The following CMTR1 variants were observed in gnomAD, a reference collection of about 807,000 sequenced individuals.
The protein encoded by CMTR1 is cap-specific mRNA (nucleoside-2'-O-)-methyltransferase 1.
In CMTR1, 39 loss-of-function variants were observed where a neutral mutation model predicts 107.0. The observed-to-expected ratio is 0.36, with a 90% confidence interval of 0.28 to 0.48. The LOEUF is 0.48. Ranked by LOEUF, CMTR1 falls within the 20% of genes least tolerant of loss-of-function variation. CMTR1 has a pLI of 0.99. For synonymous variants in CMTR1, 366 were observed against 379.5 expected (o/e 0.96, Z 0.41); for missense variants, 672 against 1,064.9 (o/e 0.63, Z 5.14).
Position 37,453,194 on chromosome 6 carries a change from A to G in CMTR1, c.705-46A>G, listed in dbSNP as rs369505813. ...TGATGCTCCCTGCTCTACCTTTTCAATTGAGCCTAGTACATCTAGTACTTT... is the reference window on the plus strand; with the variant it reads ...TGATGCTCCCTGCTCTACCTTTTCAGTTGAGCCTAGTACATCTAGTACTTT... On this transcript the variant is annotated intron_variant, in intron 7 of 23. Coordinates refer to ENST00000373451, the MANE Select transcript of CMTR1 (RefSeq NM_015050.3). 1.8e-4 allele frequency: 284 copies of G among 1,612,208 alleles called. 1 individual carries two copies. The highest frequency in any genetic ancestry group is 2.0e-4 in the Non-Finnish European group (238 of 1,178,282).
intron 13 of CMTR1, among the ~76,000 whole-genome samples, chr6:37,469,728 A>G (rs1426114214): frequency 2.0e-5 from 3 of 151,480 alleles, no homozygotes; most frequent in East Asian, 1.9e-4. Flanking sequence ...GAGTTTTGCT[A>G]TGTTGGTCAG....
chr6:37,452,337 G>A (rs996509921), intron 6 of CMTR1, among the ~76,000 whole-genome samples: 2 of 152,176 alleles, frequency 1.3e-5, no homozygotes, highest in Non-Finnish European at 2.9e-5. Context: ...ATGAAATAGT[G>A]GGTGTGAAGT....
chr6:37,474,139 G>A (rs1322766385), intron 17 of CMTR1, among the ~76,000 whole-genome samples: 1 of 152,090 alleles, frequency 6.6e-6, no homozygotes, highest in Non-Finnish European at 1.5e-5. Flanking sequence ...TACTTCTTTT[G>A]TACCCTCTCA....
chr6:37,424,253 T>C, the CMTR1 span, among the ~76,000 whole-genome samples: 1 of 151,918 alleles, frequency 6.6e-6, no homozygotes, highest in Non-Finnish European at 1.5e-5. Flanking sequence ...CTTTCTTTTT[T>C]TTTTTTTGAG....
At position 37,446,469 on chromosome 6, in the gene CMTR1, G is replaced by T; in HGVS notation, c.444+20G>T. On this transcript the variant is annotated intron_variant, in intron 4 of 23. Coordinates refer to ENST00000373451, the MANE Select transcript of CMTR1 (RefSeq NM_015050.3). ...CCAGAGGTAAGTGTTAAAGTGAGGA[G>T]GAGATGGAAAAGCCACTTGTGTTTT... 1 of 1,597,222 alleles carries T rather than the reference G, an allele frequency of 6.3e-7. No individual in the cohort carries two copies. Among genetic ancestry groups the T allele is most frequent in the Non-Finnish European group, 8.5e-7 (1 of 1,173,872 alleles).
chr6:37,464,747 G>A (rs1330894179), intron 13 of CMTR1, among the ~76,000 whole-genome samples: 3 of 151,998 alleles, frequency 2.0e-5, no homozygotes, highest in East Asian at 3.9e-4. Flanking sequence ...GGGCTGTTAC[G>A]AATAAAGCTG....
At position 37,453,297 on chromosome 6, in the gene CMTR1, G is replaced by A. The variant is rs745794678; in HGVS notation, c.762G>A (p.Pro254=). 32 of 1,614,012 alleles carry A rather than the reference G, an allele frequency of 2.0e-5. No individual in the cohort carries two copies. The highest frequency in any genetic ancestry group is 8.0e-5 in the African/African-American group (6 of 74,906). Reference sequence around the variant, plus strand: ...TATTTGATCGCATGTTCACAAATCCGCGGGACTCTTATGGGGTGAGAACAA... The same window carrying A: ...TATTTGATCGCATGTTCACAAATCCACGGGACTCTTATGGGGTGAGAACAA... ...DFVFDRMFTN[P]RDSYGKPLVK... is the part of the protein sequence containing the mutation. Residue 254 remains proline (P), a synonymous_variant, in exon 8 of 24, where the codon CCG becomes CCA. Coordinates refer to ENST00000373451, the MANE Select transcript of CMTR1 (RefSeq NM_015050.3).
At chr6:37,468,541 T>C (rs1427439090) in intron 13 of CMTR1, among the ~76,000 whole-genome samples, 2 of 152,226 alleles carry the variant, frequency 1.3e-5, no homozygotes, top group Non-Finnish European at 2.9e-5. Flanking sequence ...CTAGCCTGTC[T>C]TTGTAGTACA....
intron 2 of CMTR1, among the ~76,000 whole-genome samples, chr6:37,438,635 C>G (rs972504383): frequency 2.0e-5 from 3 of 152,202 alleles, no homozygotes; most frequent in Non-Finnish European, 2.9e-5. Context: ...GGAGCAAAAG[C>G]TCAGTAAATA....
intron 13 of CMTR1, among the ~76,000 whole-genome samples, chr6:37,465,326 T>C (rs1188351485): frequency 6.6e-6 from 1 of 152,132 alleles, no homozygotes; most frequent in Non-Finnish European, 1.5e-5. Flanking sequence ...TATTGTTTTA[T>C]TCTCCTTTCA....
intron 14 of CMTR1, 66 bp from the exon 15 acceptor site, chr6:37,471,781 G>A (rs2113891204): frequency 2.1e-6 from 3 of 1,418,888 alleles, no homozygotes; most frequent in East Asian, 4.6e-5. Flanking sequence ...GGGATATGAG[G>A]GGTGCACAGG....
chr6:37,469,494 A>G (rs1761578949), intron 13 of CMTR1, among the ~76,000 whole-genome samples: 1 of 123,616 alleles, frequency 8.1e-6, no homozygotes, highest in Non-Finnish European at 1.8e-5. Flanking sequence ...TTTCTTGGCC[A>G]TTAGTTTGTC....
At chr6:37,442,859 C>T (rs1053303002) in intron 2 of CMTR1, among the ~76,000 whole-genome samples, 49 of 152,302 alleles carry the variant, frequency 3.2e-4, no homozygotes, top group African/African-American at 1.0e-3. Flanking sequence ...TGTGACTTTC[C>T]TTCAGTACTT....
At chr6:37,457,361 T>A (rs938818008) in intron 8 of CMTR1, among the ~76,000 whole-genome samples, 6 of 152,186 alleles carry the variant, frequency 3.9e-5, no homozygotes, top group Non-Finnish European at 7.3e-5. Flanking sequence ...AAGCTGCTGT[T>A]GCTGCACAAC....
intron 13 of CMTR1, among the ~76,000 whole-genome samples, chr6:37,465,867 A>G (rs962764173): frequency 6.6e-5 from 10 of 151,018 alleles, no homozygotes; most frequent in African/African-American, 2.2e-4. Flanking sequence ...AGTTCTTTAT[A>G]TATTTCTGGA....
chr6:37,432,454 GA>G (rs1771404908), upstream of CMTR1, among the ~76,000 whole-genome samples: 1 of 152,210 alleles, frequency 6.6e-6, no homozygotes, highest in African/African-American at 2.4e-5. Context: ...ATTCTGCCGA[GA>G]GGGGGTAAGT....
In CMTR1 at chr6:37,461,751, A is replaced by G. The variant is rs1581743043; in HGVS notation, c.1192+106A>G. The G allele has an allele frequency of 3.5e-6, 3 of 868,212 alleles. No homozygotes were observed. In the South Asian group the frequency reaches 5.1e-5, roughly 15 times the overall value. The allele number at this position is 868,212 out of a possible 1,614,324, so 53.8% of individuals were successfully genotyped here. On this transcript the variant is annotated intron_variant, in intron 11 of 23. Coordinates refer to ENST00000373451, the MANE Select transcript of CMTR1 (RefSeq NM_015050.3). Reference sequence around the variant, plus strand: ...GGGGAAGTTAAAAAAATCTGCTTATATTAGAGGACAGGTAGCTAAATGAGT... The same window carrying G: ...GGGGAAGTTAAAAAAATCTGCTTATGTTAGAGGACAGGTAGCTAAATGAGT...
At chr6:37,449,080 A>G (rs907205132) in intron 4 of CMTR1, among the ~76,000 whole-genome samples, 13 of 152,040 alleles carry the variant, frequency 8.6e-5, no homozygotes, top group African/African-American at 3.1e-4. Flanking sequence ...ATCTACAACT[A>G]CAGGCCTGTG....
In CMTR1 at chr6:37,480,482, G is replaced by C. The variant is rs1761832370; in HGVS notation, c.*337G>C. ...GAGTGGCAGAGCTGTGGGCTCTGCT[G>C]TTCTCTCCTGCATCCTGTAGACTCA... On this transcript the variant is annotated 3_prime_UTR_variant, in exon 24 of 24. Coordinates refer to ENST00000373451, the MANE Select transcript of CMTR1 (RefSeq NM_015050.3). 1 of 1,143,896 alleles carries C rather than the reference G, an allele frequency of 8.7e-7. No individual in the cohort carries two copies. The highest frequency in any genetic ancestry group is 2.2e-5 in the South Asian group (1 of 45,718). 70.9% of individuals were successfully genotyped at this position (1,143,896 alleles called of 1,614,324 possible).
Sources: gnomAD v4.1 joint callset for allele counts (sites outside exome capture counted in the v4.1 genomes callset) on GRCh38, gnomAD v4.1.1 for gene constraint, MANE v1.5 for transcripts, NCBI Gene and HGNC (gene_info 2026-07-23, HGNC 2026-07-21) for gene names.